Variants in CDCP2 observed in about 807,000 individuals in gnomAD.
The protein encoded by CDCP2 is CUB domain containing protein 2.
Under a neutral mutation model 31.0 loss-of-function variants are expected in CDCP2, and 31 were observed. The ratio of observed to expected loss-of-function variants is 1.00; its 90% CI spans 0.75 to 1.35. The LOEUF (loss-of-function observed/expected upper bound fraction) is 1.35. Among genes scored for constraint, CDCP2 ranks in the 40% most tolerant of loss-of-function variants. CDCP2 has a pLI of 0.00. For missense variants in CDCP2, 443 were observed against 482.6 expected, an observed-to-expected ratio of 0.92 and a Z score of 0.77; for synonymous variants, 206 against 207.9, an observed-to-expected ratio of 0.99 and a Z score of 0.08.
At chr1:54,135,263 C>T (rs667736) in intron 5 of CDCP2, among the ~76,000 whole-genome samples, 150,653 of 152,142 alleles carry the variant, frequency 0.99, 74,610 homozygotes, top group Middle Eastern at 1. Flanking sequence ...ACATGGGTTG[C>T]TGATGGCTGT....
At chr1:54,139,479 G>A in intron 4 of CDCP2, 1 of 1,529,142 alleles carries the variant, frequency 6.5e-7, no homozygotes, top group Non-Finnish European at 8.9e-7. Flanking sequence ...CAGGGGCCCA[G>A]GGGGAAGGAA....
chr1:54,136,864 C>T, intron 4 of CDCP2, 56 bp from the exon 5 acceptor site: 1 of 399,084 alleles, frequency 2.5e-6, no homozygotes, highest in Non-Finnish European at 4.4e-6. Context: ...TGACCCTCAC[C>T]TCCCCAACAC....
At chr1:54,133,738 TA>T (rs1659208768) in intron 5 of CDCP2, among the ~76,000 whole-genome samples, 1 of 151,518 alleles carries the variant, frequency 6.6e-6, no homozygotes, top group African/African-American at 2.4e-5. Flanking sequence ...CTACTAAAAA[TA>T]CAAAAAATTA....
chr1:54,144,693 G>A (rs186669804), exon 2 of CDCP2: 51 of 1,614,244 alleles, frequency 3.2e-5, no homozygotes, highest in African/African-American at 9.3e-5. Flanking sequence ...GAGCAGCACC[G>A]AGGATCCCTC....
At chr1:54,134,736 T>C (rs1219718663) in intron 5 of CDCP2, among the ~76,000 whole-genome samples, 1 of 52,316 alleles carries the variant, frequency 1.9e-5, no homozygotes, top group East Asian at 3.8e-3. Flanking sequence ...GTTTGTTTTT[T>C]GTTTTGTTTT....
chr1:54,139,648 G>GGGT lies in CDCP2; in HGVS notation c.1117+104_1117+105insACC, dbSNP rs1557706119. On this transcript the variant is annotated intron_variant, in intron 4 of 5. Transcript: ENST00000530059. The stretch of plus-strand genomic sequence containing the variant: ...AGGAGCTGGAGAAGACCATTCATGG[G>GGGT]GGGGGCAGGACAAACTGGTGGGATG... The GGGT allele has an allele frequency of 3.1e-6, 5 of 1,613,626 alleles. No homozygotes were observed. The South Asian group carries it at 5.5e-5, about 18-fold the overall frequency.
chr1:54,152,479 C>A (rs1659601020), intron 1 of CDCP2, among the ~76,000 whole-genome samples: 1 of 151,108 alleles, frequency 6.6e-6, no homozygotes, highest in Non-Finnish European at 1.5e-5. Context: ...AAAAAAGACT[C>A]TTTAGCAATA....
intron 1 of CDCP2, among the ~76,000 whole-genome samples, chr1:54,151,898 G>A (rs187401772): frequency 2.0e-5 from 3 of 152,282 alleles, no homozygotes; most frequent in Admixed American, 1.3e-4. Flanking sequence ...GAGCTTGAAG[G>A]GTGAGCCAGA....
At chr1:54,152,818 T>A (rs927441872) in intron 1 of CDCP2, 26 bp downstream of exon 1, 2 of 1,609,162 alleles carry the variant, frequency 1.2e-6, no homozygotes, top group Middle Eastern at 1.7e-4. Flanking sequence ...CCCCTCTCAG[T>A]TCATGTCTGT....
At chr1:54,146,399 C>T (rs1026146138) in intron 1 of CDCP2, among the ~76,000 whole-genome samples, 12 of 151,704 alleles carry the variant, frequency 7.9e-5, no homozygotes, top group Admixed American at 6.6e-5. Flanking sequence ...AGGCTGGTCT[C>T]GAACTCCTGA....
At chr1:54,137,802 AC>A (rs1169094140) in intron 4 of CDCP2, 1 of 151,736 alleles carries the variant, frequency 6.6e-6, no homozygotes, top group Non-Finnish European at 1.5e-5. Flanking sequence ...GGAACTCTCA[AC>A]CCCTCTCCGG....
intron 4 of CDCP2, 55 bp from the exon 5 acceptor site, chr1:54,136,863 C>T (rs940261442): frequency 6.5e-5 from 26 of 398,978 alleles, no homozygotes; most frequent in Admixed American, 3.1e-4. Flanking sequence ...CTGACCCTCA[C>T]CTCCCCAACA....
Position 54,141,093 on chromosome 1 carries a change from C to A in CDCP2, c.763+5G>T, listed in dbSNP as rs748528605. On this transcript the variant is annotated splice_donor_5th_base_variant and intron_variant, in intron 3 of 5. Transcript: ENST00000530059. ...GATTCAGGGTGGAGCGCCAGCCCCT[C>A]CTACCTGAGAAGTAGTAGGCCTTGA... 1 of 1,518,640 alleles carries A rather than the reference C, an allele frequency of 6.6e-7. No individual in the cohort carries two copies. Among genetic ancestry groups the A allele is most frequent in the African/African-American group, 1.4e-5 (1 of 71,774 alleles). The allele number at this position is 1,518,640 out of a possible 1,614,324, so 94.1% of individuals were successfully genotyped here.
chr1:54,133,832 C>T (rs1659211036), intron 5 of CDCP2, among the ~76,000 whole-genome samples: 1 of 150,824 alleles, frequency 6.6e-6, no homozygotes, highest in African/African-American at 2.4e-5. Context: ...GGAGGTGGAG[C>T]TTGCAGTGAG....
At chr1:54,132,900 C>A, downstream of CDCP2, 1 of 398,014 alleles carries the variant, frequency 2.5e-6, no homozygotes, top group Middle Eastern at 6.3e-4. Context: ...AGTCCCCGTC[C>A]CACCCCTGTT....
intron 4 of CDCP2, chr1:54,137,906 C>T (rs1659288607): frequency 7.3e-6 from 1 of 137,722 alleles, no homozygotes; most frequent in Non-Finnish European, 1.6e-5. Flanking sequence ...TGGTGCTGAA[C>T]TGTGTGTCAC....
intron 4 of CDCP2, chr1:54,137,614 C>T (rs959264938): frequency 6.6e-6 from 1 of 151,950 alleles, no homozygotes; most frequent in Non-Finnish European, 1.5e-5. Context: ...TGCAGCCCTC[C>T]TGGCCAGGAC....
exon 3 of CDCP2, chr1:54,141,367 T>C (rs770115454): frequency 6.2e-7 from 1 of 1,614,030 alleles, no homozygotes. Context: ...GCTGTTCGGG[T>C]AGTTGTTGGG....
Position 54,141,082 on chromosome 1 carries a change from C to T in CDCP2, c.763+16G>A, listed in dbSNP as rs368709261. The stretch of plus-strand genomic sequence containing the variant: ...AGGCACAGGAGGATTCAGGGTGGAG[C>T]GCCAGCCCCTCCTACCTGAGAAGTA... On this transcript the variant is annotated intron_variant, in intron 3 of 5. Coordinates refer to ENST00000530059, the Ensembl canonical transcript of CDCP2. 1.5e-5 allele frequency: 22 copies of T among 1,513,574 alleles called. No individual in the cohort carries two copies. Among genetic ancestry groups the T allele is most frequent in the Non-Finnish European group, 1.8e-5 (20 of 1,131,272 alleles). 93.8% of individuals were successfully genotyped at this position (1,513,574 alleles called of 1,614,324 possible).
Sources: allele counts gnomAD v4.1 joint callset (sites outside exome capture counted in the v4.1 genomes callset), GRCh38; gene constraint gnomAD v4.1.1; transcripts MANE v1.5; gene names NCBI Gene and HGNC (gene_info 2026-07-23, HGNC 2026-07-21).